Variants in ACAD11 observed in about 807,000 individuals in gnomAD.
ACAD11 encodes acyl-CoA dehydrogenase family member 11.
A neutral mutation model predicts 102.2 loss-of-function variants in ACAD11; 83 were observed. The observed-to-expected ratio is 0.81, with a 90% CI of 0.68 to 0.97. The LOEUF is 0.97. Among genes scored for constraint, ACAD11 ranks in the 50% least tolerant of loss-of-function variants. The pLI is 0.00. For synonymous variants in ACAD11, 324 were observed against 319.8 expected, an observed-to-expected ratio of 1.01 and a Z score of -0.14; for missense variants, 901 against 951.7, an observed-to-expected ratio of 0.95 and a Z score of 0.70.
intron 1 of ACAD11, among the ~76,000 whole-genome samples, chr3:132,658,740 A>G (rs1040662908): frequency 2.0e-5 from 3 of 152,190 alleles, no homozygotes; most frequent in Non-Finnish European, 2.9e-5. Context: ...CATTTTCACC[A>G]AAATCAGTAG....
intron 13 of ACAD11, among the ~76,000 whole-genome samples, chr3:132,597,933 TAAAAAG>T (rs1938388522): frequency 6.6e-6 from 1 of 152,148 alleles, no homozygotes; most frequent in Admixed American, 6.6e-5. Flanking sequence ...ACTTTAATGA[TAAAAAG>T]AGTCATTTAA....
At chr3:132,638,903 C>T (rs761011467) in intron 5 of ACAD11, among the ~76,000 whole-genome samples, 2 of 152,158 alleles carry the variant, frequency 1.3e-5, no homozygotes, top group African/African-American at 2.4e-5. Flanking sequence ...AAGCAGGATT[C>T]ATTCCTACTA....
At chr3:132,631,251 T>C in intron 6 of ACAD11, 90 bp downstream of exon 6, 1 of 726,520 alleles carries the variant, frequency 1.4e-6, no homozygotes, top group South Asian at 6.7e-5. Flanking sequence ...AAAACTATTA[T>C]CTAAAATTGC....
At chr3:132,575,570 A>G (rs922833554) in intron 17 of ACAD11, among the ~76,000 whole-genome samples, 2 of 152,192 alleles carry the variant, frequency 1.3e-5, no homozygotes, top group Non-Finnish European at 2.9e-5. Context: ...AGAGGTGTTG[A>G]AGCATTTTAG....
chr3:132,559,968 T>C, intron 18 of ACAD11, 26 bp from the exon 19 acceptor site: 1 of 1,567,394 alleles, frequency 6.4e-7, no homozygotes, highest in Non-Finnish European at 8.8e-7. Flanking sequence ...ATGAAAAGAA[T>C]GCTTCTTTCT....
chr3:132,627,551 C>A (rs576882425), intron 8 of ACAD11, among the ~76,000 whole-genome samples: 33 of 152,284 alleles, frequency 2.2e-4, no homozygotes, highest in African/African-American at 7.5e-4. Flanking sequence ...ATCTGTAGAA[C>A]AGAAAACCAA....
chr3:132,611,005 C>A (rs975435578), intron 11 of ACAD11, among the ~76,000 whole-genome samples: 1 of 152,120 alleles, frequency 6.6e-6, no homozygotes, highest in Non-Finnish European at 1.5e-5. Flanking sequence ...TCCAGCAGCA[C>A]ATCAAAAAGC....
chr3:132,634,591 A>G (rs572376949), intron 5 of ACAD11, among the ~76,000 whole-genome samples: 3 of 152,280 alleles, frequency 2.0e-5, no homozygotes, highest in African/African-American at 7.2e-5. Context: ...ATGCTGCTAT[A>G]AAGACACATG....
At chr3:132,649,131 T>C (rs1445308378) in intron 1 of ACAD11, among the ~76,000 whole-genome samples, 1 of 152,238 alleles carries the variant, frequency 6.6e-6, no homozygotes, top group East Asian at 1.9e-4. Flanking sequence ...CCAGGTATTG[T>C]CCAAGGTTTC....
chr3:132,588,799 GCT>G (rs1937957763), intron 13 of ACAD11, among the ~76,000 whole-genome samples: 1 of 152,058 alleles, frequency 6.6e-6, no homozygotes, highest in Non-Finnish European at 1.5e-5. Context: ...ACTCTATTTG[GCT>G]TTCCTAATTT....
intron 13 of ACAD11, among the ~76,000 whole-genome samples, chr3:132,602,432 A>G (rs971054739): frequency 6.6e-6 from 1 of 152,160 alleles, no homozygotes; most frequent in Non-Finnish European, 1.5e-5. Context: ...ACCACTGCCG[A>G]TTGACTAAAA....
intron 13 of ACAD11, among the ~76,000 whole-genome samples, chr3:132,581,523 G>A (rs1273645701): frequency 2.6e-5 from 4 of 151,838 alleles, no homozygotes; most frequent in Admixed American, 6.6e-5. Context: ...GTCTTCAAGA[G>A]AGAAGTCTCC....
intron 1 of ACAD11, among the ~76,000 whole-genome samples, chr3:132,657,789 A>G (rs562976799): frequency 1.6e-4 from 24 of 152,064 alleles, no homozygotes; most frequent in Non-Finnish European, 2.9e-4. Context: ...TCTTTAATCC[A>G]TGAATCACTT....
intron 1 of ACAD11, chr3:132,649,852 C>T (rs958741988): frequency 2.6e-5 from 4 of 152,146 alleles, no homozygotes; most frequent in African/African-American, 7.2e-5. Context: ...ACAACCAGCC[C>T]GGCAAATTTG....
At chr3:132,622,578 G>A (rs1331732873) in intron 9 of ACAD11, among the ~76,000 whole-genome samples, 1 of 152,044 alleles carries the variant, frequency 6.6e-6, no homozygotes, top group African/African-American at 2.4e-5. Context: ...AATACTTTGA[G>A]TTCTAAATTT....
chr3:132,615,922 A>G (rs897888363), intron 11 of ACAD11, among the ~76,000 whole-genome samples: 5 of 152,062 alleles, frequency 3.3e-5, no homozygotes, highest in African/African-American at 1.2e-4. Context: ...TGAAGGGGGG[A>G]AAAAGGGCAA....
chr3:132,634,334 T>C (rs1314562145), intron 5 of ACAD11, among the ~76,000 whole-genome samples: 3 of 152,122 alleles, frequency 2.0e-5, no homozygotes, highest in Non-Finnish European at 4.4e-5. Context: ...ATCAGAGAAA[T>C]GCAAATCAAA....
intron 2 of ACAD11, among the ~76,000 whole-genome samples, chr3:132,643,910 G>A (rs924144442): frequency 6.6e-6 from 1 of 152,136 alleles, no homozygotes; most frequent in Non-Finnish European, 1.5e-5. Context: ...GGTGTGTTCA[G>A]GTGGGATGTT....
rs973457796 is a variant in ACAD11, at chr3:132,597,616, A to AT, written c.1621+5612dup. ...TTTTCACTTTCTTTTACAAGTACTG[A>AT]TTTTTTTTTTATTCTCATGGTAATT... On this transcript the variant is annotated intron_variant, in intron 13 of 19. Coordinates refer to ENST00000264990, the MANE Select transcript of ACAD11 (RefSeq NM_032169.5). Among the ~76,000 whole-genome samples the AT allele has an allele frequency of 1.8e-3, 264 of 149,582 alleles. No individual in the cohort carries two copies. The East Asian group carries it at 0.019, about 11-fold the overall frequency.
Sources: gnomAD v4.1 joint callset for allele counts (sites outside exome capture counted in the v4.1 genomes callset) on GRCh38, gnomAD v4.1.1 for gene constraint, MANE v1.5 for transcripts, NCBI Gene and HGNC (gene_info 2026-07-23, HGNC 2026-07-21) for gene names.